Variants in PDZD2 observed in about 807,000 individuals in gnomAD.
PDZD2 encodes the protein PDZ domain-containing protein 2.
Under a neutral mutation model 220.7 loss-of-function variants are expected in PDZD2, and 90 were observed. The ratio of observed to expected loss-of-function variants is 0.41; its 90% CI spans 0.34 to 0.49. The LOEUF is 0.49. Among genes scored for constraint, PDZD2 ranks in the 20% least tolerant of loss-of-function variants. PDZD2 has a pLI of 0.28. For missense variants in PDZD2, 3,174 were observed against 3,608.5 expected, an observed-to-expected ratio of 0.88 and a Z score of 3.08; for synonymous variants, 1,375 against 1,450.5, an observed-to-expected ratio of 0.95 and a Z score of 1.18.
At chr5:31,921,651 C>T (rs1744268329) in intron 2 of PDZD2, among the ~76,000 whole-genome samples, 1 of 152,118 alleles carries the variant, frequency 6.6e-6, no homozygotes, top group Non-Finnish European at 1.5e-5. Context: ...GATTGTGCCA[C>T]TGCACTCCCA....
In PDZD2 at chr5:32,074,090, C is replaced by G; in HGVS notation, c.2984C>G (p.Pro995Arg). The G allele has an allele frequency of 6.2e-7, 1 of 1,614,230 alleles. No homozygotes were observed. Among genetic ancestry groups the G allele is most frequent in the Non-Finnish European group, 8.5e-7 (1 of 1,180,050 alleles). The change falls in exon 18 of 25, where the codon CCT becomes CGT. Residue 995 changes from proline (P) to arginine (R), a missense_variant. This residue lies in a region of PDZD2 where 1,861 missense variants were observed against 2,001.0 expected (regional missense o/e 0.93). Coordinates refer to ENST00000438447, the MANE Select transcript of PDZD2 (RefSeq NM_178140.4). ...LPGALPGPIR[P>R]LSEDDPRRVS... ...GGGGCCCTCCCGGGTCCCATCAGGCCTCTGTCAGAGGATGACCCGAGGCGT... is the reference window on the plus strand; with the variant it reads ...GGGGCCCTCCCGGGTCCCATCAGGCGTCTGTCAGAGGATGACCCGAGGCGT...
chr5:31,687,544 A>C (rs73751830), intron 1 of PDZD2, among the ~76,000 whole-genome samples: 2,575 of 152,278 alleles, frequency 0.017, 62 homozygotes, highest in African/African-American at 0.059. Context: ...ACCCAGTTCC[A>C]AAACTGCTTC....
At chr5:31,679,102 C>T (rs1054499671) in intron 1 of PDZD2, among the ~76,000 whole-genome samples, 3 of 152,170 alleles carry the variant, frequency 2.0e-5, no homozygotes, top group Non-Finnish European at 2.9e-5. Flanking sequence ...TACAGAGCCC[C>T]CCTCCACTGA....
chr5:32,022,770 A>G (rs767846720), intron 6 of PDZD2, among the ~76,000 whole-genome samples: 5 of 152,182 alleles, frequency 3.3e-5, no homozygotes, highest in African/African-American at 1.2e-4. Context: ...CTATTGAGCA[A>G]AATGTTCAGC....
rs777058571 is a variant in PDZD2, at chr5:31,799,480, G to C, written c.232G>C (p.Gly78Arg). 6.2e-7 allele frequency: 1 copy of C among 1,614,174 alleles called. No individual in the cohort carries two copies. Among genetic ancestry groups the C allele is most frequent in the Non-Finnish European group, 8.5e-7 (1 of 1,180,006 alleles). ...ICTVYLTKELGDTETVGLSFG... is the reference protein window; with the variant it reads ...ICTVYLTKELRDTETVGLSFG... Reference sequence around the variant, plus strand: ...TACTGTGTACCTCACCAAGGAGCTGGGGGACACAGAGACTGTGGGCCTGAG... The same window carrying C: ...TACTGTGTACCTCACCAAGGAGCTGCGGGACACAGAGACTGTGGGCCTGAG... The change falls in exon 2 of 25, where the codon GGG becomes CGG. Residue 78 changes from glycine to arginine, a missense_variant. Physicochemically the swap from Gly to Arg is moderately radical, Grantham distance 125. This residue lies in a region of PDZD2 where 632 missense variants were observed against 708.1 expected (regional missense o/e 0.89). Coordinates refer to ENST00000438447, the MANE Select transcript of PDZD2 (RefSeq NM_178140.4).
chr5:32,076,579 G>A (rs1741323283), intron 18 of PDZD2, among the ~76,000 whole-genome samples: 2 of 152,018 alleles, frequency 1.3e-5, no homozygotes, highest in African/African-American at 4.8e-5. Context: ...TTCCTCTTTT[G>A]GTACGTGAGT....
At chr5:31,723,588 T>C (rs185223509) in intron 1 of PDZD2, among the ~76,000 whole-genome samples, 12 of 152,196 alleles carry the variant, frequency 7.9e-5, no homozygotes, top group African/African-American at 2.9e-4. Flanking sequence ...GTGTTGTCTT[T>C]CAACTTGCCT....
chr5:31,779,212 C>T (rs931499843), intron 1 of PDZD2, among the ~76,000 whole-genome samples: 2 of 152,068 alleles, frequency 1.3e-5, no homozygotes, highest in Non-Finnish European at 2.9e-5. Flanking sequence ...CACACCAGCC[C>T]TCCTTGCCTG....
At chr5:31,962,453 G>A (rs1421661808) in intron 2 of PDZD2, among the ~76,000 whole-genome samples, 4 of 150,024 alleles carry the variant, frequency 2.7e-5, no homozygotes, top group Non-Finnish European at 6.0e-5. Flanking sequence ...GGGCGGCAAC[G>A]AGTCTCTTAG....
intron 1 of PDZD2, among the ~76,000 whole-genome samples, chr5:31,789,725 C>A (rs1162117377): frequency 6.6e-6 from 1 of 152,214 alleles, no homozygotes; most frequent in Non-Finnish European, 1.5e-5. Context: ...TTGAGACCAG[C>A]CTGGCCAACG....
chr5:31,689,204 G>A (rs1163883474), intron 1 of PDZD2, among the ~76,000 whole-genome samples: 1 of 151,020 alleles, frequency 6.6e-6, no homozygotes, highest in Admixed American at 6.6e-5. Flanking sequence ...GAGTAGCTGG[G>A]ATTACAGGCA....
intron 2 of PDZD2, among the ~76,000 whole-genome samples, chr5:31,810,455 C>A (rs193153714): frequency 1.3e-5 from 2 of 152,046 alleles, no homozygotes; most frequent in Non-Finnish European, 2.9e-5. Flanking sequence ...TTAGTAGAGA[C>A]GGGGTTTCAC....
intron 14 of PDZD2, among the ~76,000 whole-genome samples, chr5:32,067,883 A>G (rs1343217031): frequency 6.6e-6 from 1 of 152,246 alleles, no homozygotes; most frequent in East Asian, 1.9e-4. Context: ...AAAGCTTCAT[A>G]GTCATACTTG....
Position 31,718,504 on chromosome 5 carries a change from G to A in PDZD2, c.-361+79067G>A, listed in dbSNP as rs188226279. Among the ~76,000 whole-genome samples, 162 of 152,252 alleles carry A rather than the reference G, an allele frequency of 1.1e-3. 1 individual carries two copies. The highest frequency in any genetic ancestry group is 3.1e-3 in the South Asian group (15 of 4,824). On this transcript the variant is annotated intron_variant, in intron 1 of 24. Coordinates refer to ENST00000438447, the MANE Select transcript of PDZD2 (RefSeq NM_178140.4). ...TTATTATCCCACAGTTCTGGAGGTT[G>A]GAAGTCCAAGATCAAGGTGTTGGCA...
At chr5:31,811,192 G>A (rs969818776) in intron 2 of PDZD2, among the ~76,000 whole-genome samples, 2 of 152,104 alleles carry the variant, frequency 1.3e-5, no homozygotes, top group Non-Finnish European at 1.5e-5. Flanking sequence ...CACCATGTTG[G>A]CCAGGCTGGT....
intron 5 of PDZD2, among the ~76,000 whole-genome samples, chr5:32,001,711 G>T (rs1351718229): frequency 6.6e-6 from 1 of 152,208 alleles, no homozygotes; most frequent in Non-Finnish European, 1.5e-5. Context: ...CACAACTGTG[G>T]TAAGAAAGAG....
At chr5:31,964,585 ATCT>A (rs1005823882) in intron 2 of PDZD2, among the ~76,000 whole-genome samples, 12 of 152,234 alleles carry the variant, frequency 7.9e-5, no homozygotes, top group African/African-American at 2.9e-4. Context: ...TGCCTCCACC[ATCT>A]TCTTTTACAT....
At chr5:31,936,093 G>C (rs1745701362) in intron 2 of PDZD2, 1 of 987,686 alleles carries the variant, frequency 1.0e-6, no homozygotes, top group South Asian at 4.7e-5. Context: ...GGTGGGTGGG[G>C]CTCTGGAGCT....
At chr5:31,775,706 T>TGTGC (rs60935573) in intron 1 of PDZD2, among the ~76,000 whole-genome samples, 1 of 149,562 alleles carries the variant, frequency 6.7e-6, no homozygotes, top group Non-Finnish European at 1.5e-5. Flanking sequence ...TGTGTGTGTG[T>TGTGC]AGTCATCTCC....
Sources: allele counts gnomAD v4.1 joint callset (sites outside exome capture counted in the v4.1 genomes callset), GRCh38; gene constraint gnomAD v4.1.1; regional missense constraint gnomAD v4.1.1; transcripts MANE v1.5; gene names NCBI Gene and HGNC (gene_info 2026-07-23, HGNC 2026-07-21).